The following URI1 variants were observed in gnomAD, a reference collection of about 807,000 sequenced individuals.
The protein encoded by URI1 is URI1 prefoldin like chaperone, also known as unconventional prefoldin RPB5 interactor 1.
URI1 carries 39 observed loss-of-function variants against 60.2 expected under a neutral mutation model. The observed-to-expected ratio is 0.65, with a 90% CI of 0.50 to 0.85. The LOEUF is 0.85. URI1 is among the 40% of genes least tolerant of loss of function. The pLI is 0.00. For missense variants in URI1, 691 were observed against 665.9 expected (o/e 1.04, Z -0.42); for synonymous variants, 251 against 236.8 (o/e 1.06, Z -0.55).
chr19:29,991,933 C>A (rs992695927), intron 4 of URI1, among the ~76,000 whole-genome samples: 1 of 152,124 alleles, frequency 6.6e-6, no homozygotes, highest in Non-Finnish European at 1.5e-5. Flanking sequence ...CCTGGATGAA[C>A]CGCATTTGAT....
chr19:30,007,673 T>G, intron 7 of URI1, 35 bp downstream of exon 7: 1 of 1,535,120 alleles, frequency 6.5e-7, no homozygotes, highest in South Asian at 1.3e-5. Flanking sequence ...CAAGATAATT[T>G]GTTTCTATAC....
intron 10 of URI1, among the ~76,000 whole-genome samples, chr19:30,014,593 G>C (rs2056062176): frequency 1.3e-5 from 2 of 152,276 alleles, no homozygotes; most frequent in South Asian, 4.1e-4. Flanking sequence ...TGGAATGTAT[G>C]AAAGTTTGAA....
intron 4 of URI1, among the ~76,000 whole-genome samples, chr19:29,988,916 G>T (rs1180614833): frequency 6.6e-6 from 1 of 152,100 alleles, no homozygotes; most frequent in African/African-American, 2.4e-5. Context: ...TGTGATAGTG[G>T]TATCTTTGCG....
At chr19:29,935,097 C>T (rs78331895) in intron 1 of URI1, among the ~76,000 whole-genome samples, 2,749 of 152,220 alleles carry the variant, frequency 0.018, 48 homozygotes, top group Non-Finnish European at 0.025. Flanking sequence ...TTCCTCAATT[C>T]CTCCACTACT....
At chr19:29,961,964 C>A (rs1003018082) in intron 1 of URI1, among the ~76,000 whole-genome samples, 2 of 152,124 alleles carry the variant, frequency 1.3e-5, no homozygotes, top group Non-Finnish European at 2.9e-5. Flanking sequence ...GGATTACAGG[C>A]GTGTGCCACT....
chr19:29,995,629 T>G (rs796551336), intron 4 of URI1, among the ~76,000 whole-genome samples: 7 of 152,162 alleles, frequency 4.6e-5, no homozygotes, highest in African/African-American at 1.7e-4. Flanking sequence ...AAATTTTTAA[T>G]TTTCACTGTC....
At position 29,965,684 on chromosome 19, in the gene URI1, T is replaced by G. The variant is rs1599681588; in HGVS notation, c.118-5509T>G. Among the ~76,000 whole-genome samples, 4 of 152,356 alleles carry G rather than the reference T, an allele frequency of 2.6e-5. No homozygotes were observed. The Middle Eastern group carries it at 0.014, about 518-fold the overall frequency. On this transcript the variant is annotated intron_variant, in intron 1 of 10. Coordinates refer to ENST00000392271, the MANE Select transcript of URI1 (RefSeq NM_003796.3). ...AAAACCCTCCAAACATGTAAACGTC[T>G]TCATTCTTAGAAGTATTACTGAATG...
At chr19:29,953,063 A>G (rs1190123221) in intron 1 of URI1, among the ~76,000 whole-genome samples, 1 of 152,068 alleles carries the variant, frequency 6.6e-6, no homozygotes, top group East Asian at 1.9e-4. Context: ...CTGTATATTC[A>G]TTGATTGTTG....
At chr19:29,949,471 G>A (rs1247700216) in intron 1 of URI1, among the ~76,000 whole-genome samples, 3 of 152,296 alleles carry the variant, frequency 2.0e-5, no homozygotes, top group South Asian at 2.1e-4. Flanking sequence ...GACGATGGGC[G>A]GCCAGGCAGA....
rs2055602389 is a variant in URI1 at position 29,981,884 on chromosome 19, AT to A, written c.153-3338del. 6.6e-5 allele frequency among the ~76,000 whole-genome samples: 10 copies of A among 152,342 alleles called. No individual in the cohort carries two copies. In the South Asian group the frequency reaches 2.1e-3, roughly 32 times the overall value. On this transcript the variant is annotated intron_variant, in intron 2 of 10. Coordinates refer to ENST00000392271, the MANE Select transcript of URI1 (RefSeq NM_003796.3). ...TCTAATTATTAAAATAGAAAAAAAAATCTGTTCAAATTTTGTTATAAATAAA... is the reference window on the plus strand; with the variant it reads ...TCTAATTATTAAAATAGAAAAAAAAACTGTTCAAATTTTGTTATAAATAAA...
At chr19:29,958,432 T>C (rs1285798910) in intron 1 of URI1, among the ~76,000 whole-genome samples, 2 of 152,204 alleles carry the variant, frequency 1.3e-5, no homozygotes, top group African/African-American at 4.8e-5. Flanking sequence ...GGATGCTGAA[T>C]TTTATCAAAT....
At chr19:30,001,625 T>C (rs1317132390) in intron 4 of URI1, among the ~76,000 whole-genome samples, 2 of 151,944 alleles carry the variant, frequency 1.3e-5, no homozygotes, top group Non-Finnish European at 2.9e-5. Flanking sequence ...TTGGTTAAAG[T>C]TCACTCTTCT....
At chr19:29,997,732 T>C (rs1331251274) in intron 4 of URI1, among the ~76,000 whole-genome samples, 2 of 152,094 alleles carry the variant, frequency 1.3e-5, no homozygotes, top group African/African-American at 2.4e-5. Flanking sequence ...TAAATTTTCG[T>C]TGAGTTTTCA....
intron 3 of URI1, 39 bp from the exon 4 acceptor site, chr19:29,986,243 T>C (rs1370041436): frequency 2.6e-6 from 4 of 1,521,170 alleles, no homozygotes; most frequent in Non-Finnish European, 3.5e-6. Flanking sequence ...TTTCAGTGTT[T>C]TATGTTTTTT....
Position 29,995,964 on chromosome 19 carries a change from C to G in URI1, c.368-9397C>G, listed in dbSNP as rs59334788. On this transcript the variant is annotated intron_variant, in intron 4 of 10. Coordinates refer to ENST00000392271, the MANE Select transcript of URI1 (RefSeq NM_003796.3). ...GAGCTTTGTATTCTATTTTTTGGTC[C>G]GTAAGTCTGTATTTATGTTGGTACC... is the stretch of plus-strand genomic sequence containing the variant. 4.3e-4 allele frequency among the ~76,000 whole-genome samples: 66 copies of G among 151,918 alleles called. 1 individual carries two copies. Among genetic ancestry groups the G allele is most frequent in the Non-Finnish European group, 1.9e-4 (13 of 67,938 alleles).
intron 1 of URI1, chr19:29,956,485 T>G: frequency 6.3e-7 from 1 of 1,590,144 alleles, no homozygotes; most frequent in Non-Finnish European, 8.5e-7. Flanking sequence ...GATATCCTTG[T>G]TTTTAACTGT....
intron 4 of URI1, among the ~76,000 whole-genome samples, chr19:30,003,084 T>G (rs1156356651): frequency 6.6e-6 from 1 of 152,038 alleles, no homozygotes; most frequent in Admixed American, 6.6e-5. Context: ...CTCAGAGTTA[T>G]AGAAAGAAAT....
In URI1 at chr19:30,012,490, G is replaced by A; in HGVS notation, c.1384G>A (p.Glu462Lys). 6.2e-7 allele frequency: 1 copy of A among 1,614,162 alleles called. No homozygotes were observed. The highest frequency in any genetic ancestry group is 8.5e-7 in the Non-Finnish European group (1 of 1,179,992). Residue 462 changes from glutamate (E) to lysine (K), a missense_variant, in exon 10 of 11, where the codon GAA (glutamate) becomes AAA (lysine). By Grantham distance (56) the Glu-to-Lys change is moderately conservative. Coordinates refer to ENST00000392271, the MANE Select transcript of URI1 (RefSeq NM_003796.3). ...SESILEEEPQ[E>K]NQKKLLPLSV... ...GAGCATTTTGGAAGAGGAACCACAA[G>A]AAAATCAAAAGAAACTTTTGCCCTT...
intron 1 of URI1, among the ~76,000 whole-genome samples, chr19:29,949,717 G>A (rs548916076): frequency 1.3e-5 from 2 of 152,320 alleles, no homozygotes; most frequent in East Asian, 1.9e-4. Context: ...AGACCAGCCC[G>A]GCCAACACAG....
Sources: gnomAD v4.1 joint callset for allele counts (sites outside exome capture counted in the v4.1 genomes callset) on GRCh38, gnomAD v4.1.1 for gene constraint, MANE v1.5 for transcripts, NCBI Gene and HGNC (gene_info 2026-07-23, HGNC 2026-07-21) for gene names.